The following CSTF1 variants were observed in gnomAD, a reference collection of about 807,000 sequenced individuals.
CSTF1 encodes CF-1 50 kDa subunit.
Under a neutral mutation model 40.9 loss-of-function variants are expected in CSTF1, and 2 were observed. That is an observed-to-expected ratio of 0.05 (90% CI 0.02 to 0.15). CSTF1 has a LOEUF of 0.15. Ranked by LOEUF, CSTF1 falls within the 10% of genes least tolerant of loss-of-function variation. CSTF1 has a pLI of 1.00. For synonymous variants in CSTF1, 218 were observed against 207.2 expected (o/e 1.05, Z -0.45); for missense variants, 279 against 558.9 (o/e 0.50, Z 5.05).
rs1412670068 is a variant in CSTF1 at position 56,394,680 on chromosome 20, A to G, written c.-32-841A>G. Among the ~76,000 whole-genome samples the G allele has an allele frequency of 7.2e-5, 11 of 152,226 alleles. No homozygotes were observed. The East Asian group carries it at 1.7e-3, about 24-fold the overall frequency. On this transcript the variant is annotated intron_variant, in intron 1 of 5. Coordinates refer to ENST00000217109, the MANE Select transcript of CSTF1 (RefSeq NM_001324.3). ...CCTTTTAATCTTGGTCCAAACATAC[A>G]CATACATAAAGGCATTGATTTTTGG... is the stretch of plus-strand genomic sequence containing the variant.
chr20:56,404,363 C>G lies in CSTF1; in HGVS notation c.*636C>G, dbSNP rs1978613003. On this transcript the variant is annotated 3_prime_UTR_variant, in exon 6 of 6. Transcript: ENST00000217109. ...TACTCCCTACATTATCCTTCAATATCTGCAATACTTGTCTTTAGTAACTGT... is the reference window on the plus strand; with the variant it reads ...TACTCCCTACATTATCCTTCAATATGTGCAATACTTGTCTTTAGTAACTGT... The G allele has an allele frequency of 6.6e-6, 1 of 152,192 alleles. No homozygotes were observed. The allele number at this position is 152,192 out of a possible 1,614,324, so 9.4% of individuals were successfully genotyped here.
chr20:56,397,017 C>T lies in CSTF1; in HGVS notation c.170-190C>T. 3 of 603,204 alleles carry T rather than the reference C, an allele frequency of 5.0e-6. No individual in the cohort carries two copies. The highest frequency in any genetic ancestry group is 8.5e-6 in the Non-Finnish European group (3 of 353,108). 37.4% of individuals were successfully genotyped at this position (603,204 alleles called of 1,614,324 possible). A position where few individuals can be genotyped will look rare whatever the true frequency, so the allele number is the denominator to read the frequency against. ...AACCTTCCAGCAACCCATGTGGCCT[C>T]ACAGCGTGGTGAACTTTGAATAGCA... On this transcript the variant is annotated intron_variant, in intron 2 of 5. Coordinates refer to ENST00000217109, the MANE Select transcript of CSTF1 (RefSeq NM_001324.3). The surrounding 1 kb of genome is among the most constrained non-coding windows in gnomAD (Gnocchi z 4.4).
At chr20:56,393,674 C>A (rs1300270533) in intron 1 of CSTF1, among the ~76,000 whole-genome samples, 1 of 151,450 alleles carries the variant, frequency 6.6e-6, no homozygotes, top group Non-Finnish European at 1.5e-5. Context: ...GCAGCTCTAA[C>A]ACAAGTTATG....
intron 5 of CSTF1, among the ~76,000 whole-genome samples, chr20:56,401,442 G>A (rs770287996): frequency 1.3e-5 from 2 of 152,164 alleles, no homozygotes; most frequent in Non-Finnish European, 2.9e-5. Flanking sequence ...TAGAGATTTC[G>A]GGAAATCATA....
intron 5 of CSTF1, among the ~76,000 whole-genome samples, chr20:56,401,736 T>C (rs1443808269): frequency 1.3e-5 from 2 of 152,324 alleles, no homozygotes; most frequent in African/African-American, 4.8e-5. Context: ...CATGCTAACA[T>C]GGGCTGAGCA....
At chr20:56,393,207 G>A (rs1183454247) in intron 1 of CSTF1, among the ~76,000 whole-genome samples, 1 of 151,720 alleles carries the variant, frequency 6.6e-6, no homozygotes, top group Non-Finnish European at 1.5e-5. Flanking sequence ...CCCGGGATGT[G>A]CTCAGCAGAA....
rs758686360 is a variant in CSTF1, at chr20:56,395,650, G to C, written c.98G>C (p.Gly33Ala). The C allele has an allele frequency of 6.2e-7, 1 of 1,614,170 alleles. No homozygotes were observed. The change falls in exon 2 of 6, where the codon GGC (glycine) becomes GCC (alanine). Residue 33 changes from glycine (G) to alanine (A), a missense_variant. Gly to Ala is a moderately conservative substitution (Grantham distance 60). Around this residue, in one of 4 missense-constraint regions of CSTF1, gnomAD observed 51 missense variants for 55.0 expected, o/e 0.93. Transcript: ENST00000217109. ...GACGGCTACATCAGCATCGCCAATG[G>C]CCTCATCAATGAAATCAAGCCTCAG... ...LYDGYISIANGLINEIKPQSV... is the reference protein window; with the variant it reads ...LYDGYISIANALINEIKPQSV...
rs1482218838 is a variant in CSTF1 at position 56,403,501 on chromosome 20, C to T, written c.1070C>T (p.Thr357Ile). The change falls in exon 6 of 6, where the codon ACA becomes ATA. Residue 357 changes from threonine to isoleucine, a missense_variant. Thr to Ile is a moderately conservative substitution (Grantham distance 89). Around this residue, in one of 4 missense-constraint regions of CSTF1, gnomAD observed 162 missense variants for 337.1 expected, o/e 0.48. Transcript: ENST00000217109. ...TTAAGTGGACGCCAGGTGCACCGGA[C>T]ACAGGCTGTGTTTAACCACACCGAG... The part of the protein sequence containing the change: ...AGLSGRQVHR[T>I]QAVFNHTEDY... The T allele has an allele frequency of 3.7e-6, 6 of 1,613,976 alleles. No individual in the cohort carries two copies. Among genetic ancestry groups the T allele is most frequent in the African/African-American group, 1.3e-5 (1 of 74,900 alleles).
At position 56,405,830 on chromosome 20, in the gene CSTF1, A is replaced by T. The variant is rs1329358376; in HGVS notation, c.*2103A>T. 6.6e-6 allele frequency: 1 copy of T among 152,208 alleles called. No homozygotes were observed. The highest frequency in any genetic ancestry group is 6.5e-5 in the Admixed American group (1 of 15,278). The allele number at this position is 152,208 out of a possible 1,614,324, so 9.4% of individuals were successfully genotyped here. ...AGTTCTACCAAAAACATTACCAACC[A>T]AACCTCCCCTGTTCTTTTTTCAGAC... On this transcript the variant is annotated 3_prime_UTR_variant, in exon 6 of 6. Coordinates refer to ENST00000217109, the MANE Select transcript of CSTF1 (RefSeq NM_001324.3).
rs182584501 is a variant in CSTF1, at chr20:56,402,161, G to T, written c.1037-1307G>T. Among the ~76,000 whole-genome samples, 539 of 152,258 alleles carry T rather than the reference G, an allele frequency of 3.5e-3. 3 individuals are homozygous for T. Among genetic ancestry groups the T allele is most frequent in the Non-Finnish European group, 5.4e-3 (370 of 68,020 alleles). ...ATCTCTACTAAAAATACAAAAATTA[G>T]TTGAGTGTGGTGGCACATGCCTGTA... On this transcript the variant is annotated intron_variant, in intron 5 of 5. Transcript: ENST00000217109.
In CSTF1 at chr20:56,399,125, T is replaced by C; in HGVS notation, c.804T>C (p.Val268=). 1 of 1,614,242 alleles carries C rather than the reference T, an allele frequency of 6.2e-7. No homozygotes were observed. The highest frequency in any genetic ancestry group is 8.5e-7 in the Non-Finnish European group (1 of 1,180,036). ...AACACACCGATGCTATATGTTCCGT[T>C]AATTACAATTCTAGTGCCAATATGT... ...QDQHTDAICS[V]NYNSSANMYV... Residue 268 remains valine (V), a synonymous_variant, in exon 5 of 6, where the codon GTT becomes GTC. Transcript: ENST00000217109. This position sits in a 1 kb window ranked among gnomAD's most constrained non-coding sequence, Gnocchi z 4.6.
rs1987553201 is a variant in CSTF1 at position 56,397,577 on chromosome 20, A to G, written c.448-67A>G. 22 of 1,598,512 alleles carry G rather than the reference A, an allele frequency of 1.4e-5. 1 individual carries two copies. The highest frequency in any genetic ancestry group is 4.5e-5 in the East Asian group (2 of 44,764). On this transcript the variant is annotated intron_variant, in intron 3 of 5. Coordinates refer to ENST00000217109, the MANE Select transcript of CSTF1 (RefSeq NM_001324.3). This position sits in a 1 kb window ranked among gnomAD's most constrained non-coding sequence, Gnocchi z 4.4. The stretch of plus-strand genomic sequence containing the variant: ...GTTGAAACCAGCTTTAGTTTGCTAC[A>G]GTTGTGGATTGTGCACTTGGATTCA...
rs1987288778 is a variant in CSTF1 at position 56,392,648 on chromosome 20, T to C, written c.-98T>C. On this transcript the variant is annotated 5_prime_UTR_variant, in exon 1 of 6. Transcript: ENST00000217109. ...GTGAACGTGCGCTCGGAGCGGTAGATTGGGCAGGATTCGCGCCTCCATTTT... is the reference window on the plus strand; with the variant it reads ...GTGAACGTGCGCTCGGAGCGGTAGACTGGGCAGGATTCGCGCCTCCATTTT... 1.3e-5 allele frequency: 2 copies of C among 152,310 alleles called. No individual in the cohort carries two copies. Among genetic ancestry groups the C allele is most frequent in the Non-Finnish European group, 2.9e-5 (2 of 68,036 alleles). The allele number at this position is 152,310 out of a possible 1,614,324, so 9.4% of individuals were successfully genotyped here.
chr20:56,393,508 A>G (rs1987387931), intron 1 of CSTF1, among the ~76,000 whole-genome samples: 2 of 152,164 alleles, frequency 1.3e-5, no homozygotes, highest in South Asian at 2.1e-4. Context: ...TTTTTCGGGT[A>G]ACTGAACATT....
At chr20:56,402,076 G>A (rs1978478247) in intron 5 of CSTF1, among the ~76,000 whole-genome samples, 1 of 152,174 alleles carries the variant, frequency 6.6e-6, no homozygotes, top group Admixed American at 6.5e-5. Context: ...GGAGGCCAAG[G>A]TGGGCAGATC....
At chr20:56,395,931 T>C (rs1316246170) in intron 2 of CSTF1, 1 of 529,568 alleles carries the variant, frequency 1.9e-6, no homozygotes, top group African/African-American at 1.9e-5. Context: ...AAGCTGGTTC[T>C]GGCCTGAGGG....
In CSTF1 at chr20:56,399,407, C is replaced by G. The variant is rs1978358317; in HGVS notation, c.1036+50C>G. 1.3e-6 allele frequency: 2 copies of G among 1,505,890 alleles called. No homozygotes were observed. The highest frequency in any genetic ancestry group is 2.3e-5 in the East Asian group (1 of 44,172). The allele number at this position is 1,505,890 out of a possible 1,614,324, so 93.3% of individuals were successfully genotyped here. A position where few individuals can be genotyped will look rare whatever the true frequency, so the allele number is the denominator to read the frequency against. On this transcript the variant is annotated intron_variant, in intron 5 of 5. Transcript: ENST00000217109. This position sits in a 1 kb window ranked among gnomAD's most constrained non-coding sequence, Gnocchi z 4.6. ...AACATTTCTGTAGTGTTTACACTTT[C>G]CAGAACTCTCTTTTAAGACCTCACA...
In CSTF1 at chr20:56,399,246, G is replaced by A; in HGVS notation, c.925G>A (p.Val309Ile). 6.2e-7 allele frequency: 1 copy of A among 1,614,186 alleles called. No homozygotes were observed. The highest frequency in any genetic ancestry group is 8.5e-7 in the Non-Finnish European group (1 of 1,180,022). ...TGAGAAAGCACATGACGGTGCTGAA[G>A]TTTGTTCTGCCATTTTTTCCAAAAA... ...TFEKAHDGAE[V>I]CSAIFSKNSK... The change falls in exon 5 of 6, where the codon GTT (valine) becomes ATT (isoleucine). Residue 309 changes from valine to isoleucine, a missense_variant. Val to Ile is a conservative substitution (Grantham distance 29). This residue lies in a region of CSTF1 where 162 missense variants were observed against 337.1 expected (regional missense o/e 0.48). Transcript: ENST00000217109. This position sits in a 1 kb window ranked among gnomAD's most constrained non-coding sequence, Gnocchi z 4.6.
Position 56,403,911 on chromosome 20 carries a change from T to TG in CSTF1, c.*186dup. ...GATGTAGAATCATGGTGGAAAAAGT[T>TG]GGAAACACAGATCTGTGCAGTTCTA... On this transcript the variant is annotated 3_prime_UTR_variant, in exon 6 of 6. Coordinates refer to ENST00000217109, the MANE Select transcript of CSTF1 (RefSeq NM_001324.3). The TG allele has an allele frequency of 1.6e-6, 1 of 632,942 alleles. No individual in the cohort carries two copies. The highest frequency in any genetic ancestry group is 1.8e-5 in the African/African-American group (1 of 54,766). 39.2% of individuals were successfully genotyped at this position (632,942 alleles called of 1,614,324 possible).
Sources: gnomAD v4.1 joint callset for allele counts (sites outside exome capture counted in the v4.1 genomes callset) on GRCh38, gnomAD v4.1.1 for gene constraint, gnomAD v4.1.1 regional missense constraint, Gnocchi (gnomAD v3.1) non-coding constraint, MANE v1.5 for transcripts, NCBI Gene and HGNC (gene_info 2026-07-23, HGNC 2026-07-21) for gene names.